Variants in MAST2 observed in about 807,000 individuals in gnomAD.
MAST2 encodes the protein microtubule-associated serine/threonine-protein kinase 2.
Under a neutral mutation model 147.4 loss-of-function variants are expected in MAST2, and 70 were observed. The observed-to-expected ratio is 0.47, with a 90% CI of 0.39 to 0.58. The LOEUF is 0.58. Ranked by LOEUF, MAST2 falls within the 20% of genes least tolerant of loss-of-function variation. The pLI, the probability that MAST2 is intolerant of heterozygous loss-of-function variation, is 0.00. For synonymous variants in MAST2, 869 were observed against 896.8 expected, an observed-to-expected ratio of 0.97 and a Z score of 0.55; for missense variants, 2,080 against 2,302.3, an observed-to-expected ratio of 0.90 and a Z score of 1.98.
intron 6 of MAST2, among the ~76,000 whole-genome samples, chr1:45,999,658 T>G (rs1237219716): frequency 1.3e-5 from 2 of 152,254 alleles, no homozygotes; most frequent in South Asian, 2.1e-4. Flanking sequence ...TAAGGAATGC[T>G]GTTCCCTCAG....
At chr1:46,000,745 G>A (rs934505084) in intron 6 of MAST2, among the ~76,000 whole-genome samples, 2 of 152,192 alleles carry the variant, frequency 1.3e-5, no homozygotes, top group Non-Finnish European at 2.9e-5. Flanking sequence ...ACTGGCTGGC[G>A]CTTTGGAGGA....
At position 46,030,725 on chromosome 1, in the gene MAST2, G is replaced by A. The variant is rs1401234040; in HGVS notation, c.2672G>A (p.Gly891Asp). 2 of 1,597,066 alleles carry A rather than the reference G, an allele frequency of 1.3e-6. No individual in the cohort carries two copies. Among genetic ancestry groups the A allele is most frequent in the East Asian group, 2.2e-5 (1 of 44,610 alleles). ...TCAGATGGCCTGGCAGGGCTCAAAG[G>A]CCGAGACCGGAGCTGGGTGATTGGC... Reference protein sequence around the residue: ...DHSDGLAGLKGRDRSWVIGSP... With the variant: ...DHSDGLAGLKDRDRSWVIGSP... The change falls in exon 22 of 29, where the codon GGC becomes GAC. Residue 891 changes from glycine to aspartate, a missense_variant. By Grantham distance (94) the Gly-to-Asp change is moderately conservative (BLOSUM62 -1). Around this residue, in one of 4 missense-constraint regions of MAST2, gnomAD observed 1,278 missense variants for 1,304.2 expected, o/e 0.98. Coordinates refer to ENST00000361297, the MANE Select transcript of MAST2 (RefSeq NM_015112.3).
At chr1:45,944,212 T>A (rs982673327) in intron 4 of MAST2, among the ~76,000 whole-genome samples, 2 of 152,244 alleles carry the variant, frequency 1.3e-5, no homozygotes, top group African/African-American at 4.8e-5. Flanking sequence ...CTTCCTTTCT[T>A]GTACTCTTTA....
At chr1:45,849,965 C>G (rs1645572292) in intron 3 of MAST2, among the ~76,000 whole-genome samples, 1 of 152,046 alleles carries the variant, frequency 6.6e-6, no homozygotes, top group South Asian at 2.1e-4. Context: ...GTATATTTAC[C>G]CAGTAATAGG....
At chr1:45,877,891 T>C (rs1646673423) in intron 3 of MAST2, among the ~76,000 whole-genome samples, 1 of 152,136 alleles carries the variant, frequency 6.6e-6, no homozygotes, top group South Asian at 2.1e-4. Context: ...GCTAATAGAA[T>C]CTAGCAATGT....
chr1:45,998,469 G>T (rs1355845756), intron 6 of MAST2, among the ~76,000 whole-genome samples: 1 of 152,254 alleles, frequency 6.6e-6, no homozygotes, highest in Non-Finnish European at 1.5e-5. Flanking sequence ...CAGGCCTTTA[G>T]AGAAAGCTGA....
In MAST2 at chr1:45,868,110, G is replaced by T. The variant is rs773684000; in HGVS notation, c.469-14254G>T. On this transcript the variant is annotated intron_variant, in intron 3 of 28. Coordinates refer to ENST00000361297, the MANE Select transcript of MAST2 (RefSeq NM_015112.3). ...CTTTACACTGGAGGAGCCTCTGTCG[G>T]TGTAGGAATTGACACTGTTTTGCTT... Among the ~76,000 whole-genome samples the T allele has an allele frequency of 5.9e-5, 9 of 152,190 alleles. No individual in the cohort carries two copies. The East Asian group carries it at 7.7e-4, about 13-fold the overall frequency.
chr1:46,023,767 C>T lies in MAST2; in HGVS notation c.1572-5C>T. Reference sequence around the variant, plus strand: ...ATGGGGGATGGGCCGGACTTTGTTTCCCAGGGCTGTATTTCTGGTGCGGCA... The same window carrying T: ...ATGGGGGATGGGCCGGACTTTGTTTTCCAGGGCTGTATTTCTGGTGCGGCA... On this transcript the variant is annotated splice_polypyrimidine_tract_variant and splice_region_variant and intron_variant, in intron 14 of 28. Transcript: ENST00000361297. The surrounding 1 kb of genome is among the most constrained non-coding windows in gnomAD (Gnocchi z 4.9). 6.2e-7 allele frequency: 1 copy of T among 1,613,498 alleles called. No individual in the cohort carries two copies. Among genetic ancestry groups the T allele is most frequent in the Non-Finnish European group, 8.5e-7 (1 of 1,179,676 alleles).
chr1:45,829,389 GT>G, intron 2 of MAST2, 49 bp from the exon 3 acceptor site: 1 of 1,509,582 alleles, frequency 6.6e-7, no homozygotes, highest in Non-Finnish European at 9.0e-7. Context: ...TTTTTCATTT[GT>G]TTATCAATAA....
chr1:46,011,176 T>G, intron 10 of MAST2: 1 of 540,644 alleles, frequency 1.8e-6, no homozygotes, highest in Admixed American at 3.2e-5. Context: ...AAAATTATAT[T>G]ACTTTGTTGT....
chr1:45,948,023 C>G (rs1443225518), intron 4 of MAST2, among the ~76,000 whole-genome samples: 1 of 152,062 alleles, frequency 6.6e-6, no homozygotes, highest in Admixed American at 6.6e-5. Context: ...GCCCCAAAAG[C>G]TTCTTAAGCT....
At chr1:45,879,059 A>C (rs1384993329) in intron 3 of MAST2, among the ~76,000 whole-genome samples, 1 of 152,104 alleles carries the variant, frequency 6.6e-6, no homozygotes, top group Admixed American at 6.5e-5. Flanking sequence ...CTTTAGGACT[A>C]AATATAAAAC....
chr1:45,854,709 G>T (rs911147269), intron 3 of MAST2, among the ~76,000 whole-genome samples: 8 of 151,798 alleles, frequency 5.3e-5, no homozygotes, highest in Non-Finnish European at 1.2e-4. Flanking sequence ...ACATTTATGG[G>T]TTTTTTTTCC....
rs1350929495 is a variant in MAST2 at position 46,030,755 on chromosome 1, C to T, written c.2702C>T (p.Pro901Leu). 6.3e-7 allele frequency: 1 copy of T among 1,579,054 alleles called. No homozygotes were observed. Among genetic ancestry groups the T allele is most frequent in the African/African-American group, 1.4e-5 (1 of 73,564 alleles). ...GRDRSWVIGS[P>L]EILRKRLSVS... is the part of the protein sequence containing the mutation. ...GACCGGAGCTGGGTGATTGGCTCCC[C>T]TGAGATGTGAGCACCCAGAGTTCAC... The change falls in exon 22 of 29, where the codon CCT becomes CTT. Residue 901 changes from proline to leucine, a missense_variant. Coordinates refer to ENST00000361297, the MANE Select transcript of MAST2 (RefSeq NM_015112.3).
intron 10 of MAST2, among the ~76,000 whole-genome samples, chr1:46,015,028 A>G (rs1416141530): frequency 4.6e-5 from 7 of 151,838 alleles, no homozygotes; most frequent in Non-Finnish European, 7.4e-5. Context: ...AACTCACTCA[A>G]AACCACTCAA....
chr1:45,950,960 G>A (rs1046390463), intron 4 of MAST2, among the ~76,000 whole-genome samples: 1 of 152,126 alleles, frequency 6.6e-6, no homozygotes, highest in Admixed American at 6.5e-5. Context: ...GCTCATGCCT[G>A]TAATCCCAGC....
intron 4 of MAST2, among the ~76,000 whole-genome samples, chr1:45,912,553 G>A (rs930256161): frequency 6.6e-6 from 1 of 152,154 alleles, no homozygotes; most frequent in African/African-American, 2.4e-5. Flanking sequence ...AAAAAGCACT[G>A]GTTTGCCTAT....
intron 3 of MAST2, among the ~76,000 whole-genome samples, chr1:45,857,877 C>G (rs1391044983): frequency 1.1e-5 from 1 of 88,096 alleles, no homozygotes; most frequent in African/African-American, 4.4e-5. Flanking sequence ...TTTTTTTGTC[C>G]TTGCGATAGT....
chr1:45,876,544 G>C (rs1358266233), intron 3 of MAST2, among the ~76,000 whole-genome samples: 2 of 152,182 alleles, frequency 1.3e-5, no homozygotes, highest in Non-Finnish European at 2.9e-5. Context: ...TTGCTGGAAG[G>C]TTATGAGTAA....
Sources: allele counts gnomAD v4.1 joint callset (sites outside exome capture counted in the v4.1 genomes callset), GRCh38; gene constraint gnomAD v4.1.1; regional missense constraint gnomAD v4.1.1; non-coding constraint Gnocchi (gnomAD v3.1); transcripts MANE v1.5; gene names NCBI Gene and HGNC (gene_info 2026-07-23, HGNC 2026-07-21).